Variants in ENTREP2 observed in about 807,000 individuals in gnomAD.
ENTREP2 encodes the protein endosomal transmembrane epsin interactor 2, also known as protein ENTREP2.
chr15:29,322,984 T>C, the ENTREP2 span, among the ~76,000 whole-genome samples: 10 of 152,234 alleles, frequency 6.6e-5, no homozygotes, highest in Admixed American at 6.5e-4. Context: ...TATTGAGTGA[T>C]TATAGCATAT....
chr15:29,569,306 T>C, the ENTREP2 span, among the ~76,000 whole-genome samples: 1 of 152,292 alleles, frequency 6.6e-6, no homozygotes, highest in East Asian at 1.9e-4. Flanking sequence ...CCTGTATCGA[T>C]CGAGGTGTTC....
chr15:29,339,771 T>C, the ENTREP2 span, among the ~76,000 whole-genome samples: 1 of 152,198 alleles, frequency 6.6e-6, no homozygotes, highest in Non-Finnish European at 1.5e-5. Flanking sequence ...AAGTCACTCA[T>C]TAACATATGA....
the ENTREP2 span, among the ~76,000 whole-genome samples, chr15:29,186,945 T>C: frequency 5.9e-5 from 9 of 152,344 alleles, no homozygotes; most frequent in African/African-American, 2.2e-4. Flanking sequence ...AGGTGAGGTA[T>C]GTGTATACAT....
the ENTREP2 span, among the ~76,000 whole-genome samples, chr15:29,429,731 C>T: frequency 2.6e-5 from 4 of 152,172 alleles, no homozygotes; most frequent in African/African-American, 4.8e-5. Context: ...GCTGAAACTA[C>T]GGACCCCGTA....
At chr15:29,653,128 T>C in the ENTREP2 span, among the ~76,000 whole-genome samples, 3 of 152,150 alleles carry the variant, frequency 2.0e-5, no homozygotes, top group African/African-American at 7.2e-5. Flanking sequence ...ACTGGGAATC[T>C]CAAACTGCAC....
chr15:29,278,599 T>TA, the ENTREP2 span, among the ~76,000 whole-genome samples: 2 of 152,116 alleles, frequency 1.3e-5, no homozygotes, highest in Non-Finnish European at 2.9e-5. Flanking sequence ...ATCGTGACCA[T>TA]AAAAGCAAAA....
chr15:29,516,666 G>A, the ENTREP2 span, among the ~76,000 whole-genome samples: 1 of 152,144 alleles, frequency 6.6e-6, no homozygotes, highest in Non-Finnish European at 1.5e-5. Flanking sequence ...CACTTTAGAA[G>A]ATGTGAAGCA....
At chr15:29,488,204 A>G in the ENTREP2 span, among the ~76,000 whole-genome samples, 2 of 152,232 alleles carry the variant, frequency 1.3e-5, no homozygotes, top group African/African-American at 4.8e-5. Flanking sequence ...GTATGAACAA[A>G]TAAGTGAATT....
the ENTREP2 span, among the ~76,000 whole-genome samples, chr15:29,174,561 C>T: frequency 2.6e-4 from 40 of 152,176 alleles, no homozygotes; most frequent in African/African-American, 9.4e-4. Flanking sequence ...TGGTGGCGGG[C>T]GCCTGTATTC....
the ENTREP2 span, among the ~76,000 whole-genome samples, chr15:29,213,222 C>T: frequency 0.014 from 2,074 of 152,128 alleles, 52 homozygotes; most frequent in African/African-American, 0.046. Context: ...AGTCAGGTAG[C>T]GTGATGCCTC....
At chr15:29,213,345 G>A in the ENTREP2 span, among the ~76,000 whole-genome samples, 1 of 152,152 alleles carries the variant, frequency 6.6e-6, no homozygotes, top group African/African-American at 2.4e-5. Flanking sequence ...TTGGTAGCTT[G>A]ATGGGGATGG....
At chr15:29,202,159 CT>C in the ENTREP2 span, among the ~76,000 whole-genome samples, 3 of 152,062 alleles carry the variant, frequency 2.0e-5, no homozygotes, top group Admixed American at 6.6e-5. Flanking sequence ...TGTCTTCTAA[CT>C]TTTTTTCTTG....
At chr15:29,670,997 T>G in the ENTREP2 span, among the ~76,000 whole-genome samples, 2 of 152,192 alleles carry the variant, frequency 1.3e-5, no homozygotes, top group African/African-American at 4.8e-5. Flanking sequence ...ATTAGGAGGT[T>G]GGAACTTTCA....
At chr15:29,666,695 T>C in the ENTREP2 span, among the ~76,000 whole-genome samples, 1 of 152,218 alleles carries the variant, frequency 6.6e-6, no homozygotes, top group Non-Finnish European at 1.5e-5. Flanking sequence ...GCACTTGTTA[T>C]GTCCTCTGCC....
At chr15:29,377,104 T>C in the ENTREP2 span, 1 of 151,004 alleles carries the variant, frequency 6.6e-6, no homozygotes, top group South Asian at 2.1e-4. Context: ...GCATCTTTAG[T>C]TGACACCTCC....
At chr15:29,321,975 C>A in the ENTREP2 span, among the ~76,000 whole-genome samples, 2 of 148,294 alleles carry the variant, frequency 1.3e-5, no homozygotes, top group African/African-American at 5.0e-5. Flanking sequence ...TACCCCAGAA[C>A]TAAAAATTAA....
the ENTREP2 span, among the ~76,000 whole-genome samples, chr15:29,589,462 C>G: frequency 6.6e-6 from 1 of 152,154 alleles, no homozygotes; most frequent in Non-Finnish European, 1.5e-5. Context: ...CATCAATGAA[C>G]AAAGATGTAG....
the ENTREP2 span, among the ~76,000 whole-genome samples, chr15:29,493,580 G>A: frequency 8.1e-6 from 1 of 122,772 alleles, no homozygotes; most frequent in South Asian, 2.6e-4. Context: ...TAACACCACT[G>A]CACTCCAGCC....
the ENTREP2 span, among the ~76,000 whole-genome samples, chr15:29,351,163 T>A: frequency 6.6e-6 from 1 of 152,210 alleles, no homozygotes; most frequent in African/African-American, 2.4e-5. Flanking sequence ...CTAGGCTATA[T>A]GGTGTAGCCT....
Sources: gnomAD v4.1 joint callset for allele counts (sites outside exome capture counted in the v4.1 genomes callset) on GRCh38, gnomAD v4.1.1 for gene constraint, MANE v1.5 for transcripts, NCBI Gene and HGNC (gene_info 2026-07-23, HGNC 2026-07-21) for gene names.